RFC3: variants seen among roughly 807,000 people sequenced by gnomAD.
The protein encoded by RFC3 is A1 38 kDa subunit.
RFC3 carries 41 observed loss-of-function variants against 45.1 expected under a neutral mutation model. The ratio of observed to expected loss-of-function variants is 0.91; its 90% CI spans 0.71 to 1.18. The LOEUF is 1.18. Among genes scored for constraint, RFC3 ranks in the 50% most tolerant of loss-of-function variants. The probability of loss-of-function intolerance (pLI) is 0.00; values close to 1 mark genes in which losing one functional copy is unlikely to be tolerated. For synonymous variants in RFC3, 149 were observed against 144.0 expected (o/e 1.03, Z -0.25); for missense variants, 423 against 428.1 (o/e 0.99, Z 0.10).
At chr13:33,968,992 C>A (rs917370952), downstream of RFC3, among the ~76,000 whole-genome samples, 7 of 152,138 alleles carry the variant, frequency 4.6e-5, no homozygotes, top group Non-Finnish European at 7.4e-5. Context: ...CACAGTTCAC[C>A]CACCGTACAA....
chr13:33,928,448 C>T (rs774937790), intron 8 of RFC3, among the ~76,000 whole-genome samples: 5 of 152,052 alleles, frequency 3.3e-5, no homozygotes, highest in Admixed American at 1.3e-4. Flanking sequence ...AAGTCAGAGG[C>T]TTAGAGAGAG....
intron 1 of RFC3, among the ~76,000 whole-genome samples, 185 bp downstream of exon 1, chr13:33,818,450 C>G (rs3135535): frequency 1.3e-5 from 2 of 152,226 alleles, no homozygotes; most frequent in South Asian, 2.1e-4. Context: ...AAGAAAAGCT[C>G]CACTGAGAAG....
chr13:33,872,458 G>A (rs907642270), intron 8 of RFC3, among the ~76,000 whole-genome samples: 1 of 152,228 alleles, frequency 6.6e-6, no homozygotes, highest in South Asian at 2.1e-4. Flanking sequence ...AAACGGCCAG[G>A]TGCGGTGGCT....
intron 8 of RFC3, among the ~76,000 whole-genome samples, chr13:33,918,001 T>C (rs952836458): frequency 5.3e-5 from 8 of 152,142 alleles, no homozygotes; most frequent in Non-Finnish European, 1.2e-4. Context: ...GTTAAGTATG[T>C]AACATATGCC....
At chr13:33,942,756 AT>A (rs900589072) in intron 8 of RFC3, among the ~76,000 whole-genome samples, 81 of 149,808 alleles carry the variant, frequency 5.4e-4, no homozygotes, top group African/African-American at 1.3e-3. Flanking sequence ...TTAACATCTT[AT>A]TTTTTTTTTA....
At chr13:33,876,167 A>G (rs1267408902) in intron 8 of RFC3, among the ~76,000 whole-genome samples, 1 of 152,148 alleles carries the variant, frequency 6.6e-6, no homozygotes, top group African/African-American at 2.4e-5. Context: ...GAGTAAAGGA[A>G]GTTTTGATCA....
chr13:33,852,189 C>A (rs1408310630), intron 8 of RFC3, among the ~76,000 whole-genome samples: 1 of 152,150 alleles, frequency 6.6e-6, no homozygotes, highest in East Asian at 1.9e-4. Flanking sequence ...ATCTTTCTTT[C>A]CTGGAAGTAA....
intron 8 of RFC3, among the ~76,000 whole-genome samples, chr13:33,892,811 C>T (rs1222866293): frequency 6.6e-6 from 1 of 152,032 alleles, no homozygotes; most frequent in Non-Finnish European, 1.5e-5. Context: ...GGAGACAGTC[C>T]CTGGGGCCAC....
chr13:33,947,113 A>T (rs957486582), intron 8 of RFC3, among the ~76,000 whole-genome samples: 6 of 152,188 alleles, frequency 3.9e-5, no homozygotes, highest in Non-Finnish European at 8.8e-5. Context: ...ACATGTTGAT[A>T]TGGTTTGGCT....
rs1302839326 is a variant in RFC3 at position 33,834,298 on chromosome 13, G to GTGTGTATATATA, written c.810-849_810-848insGTGTATATATAT. Among the ~76,000 whole-genome samples, 672 of 109,052 alleles carry GTGTGTATATATA rather than the reference G, an allele frequency of 6.2e-3. 19 individuals carry two copies. The highest frequency in any genetic ancestry group is 0.034 in the Admixed American group (332 of 9,668). The allele number at this position is 109,052 out of a possible 152,430, so 71.5% of individuals were successfully genotyped here. A position where few individuals can be genotyped will look rare whatever the true frequency, so the allele number is the denominator to read the frequency against. ...GAAGTATGGAACATCTGTACTGTGT[G>GTGTGTATATATA]TATATATATATATATATATATATAT... is the stretch of plus-strand genomic sequence containing the variant. On this transcript the variant is annotated intron_variant, in intron 7 of 8. Coordinates refer to ENST00000380071, the MANE Select transcript of RFC3 (RefSeq NM_002915.4).
At chr13:33,884,645 G>A (rs1203706585) in intron 8 of RFC3, among the ~76,000 whole-genome samples, 2 of 152,164 alleles carry the variant, frequency 1.3e-5, no homozygotes, top group African/African-American at 4.8e-5. Context: ...TCACCATGGC[G>A]ACAGCGGCCA....
At chr13:33,856,698 G>A (rs1211236315) in intron 8 of RFC3, among the ~76,000 whole-genome samples, 1 of 152,096 alleles carries the variant, frequency 6.6e-6, no homozygotes, top group Non-Finnish European at 1.5e-5. Flanking sequence ...TGGTAGCTCT[G>A]GTTCTGGAAA....
chr13:33,875,626 T>G (rs1355586027), intron 8 of RFC3, among the ~76,000 whole-genome samples: 1 of 152,170 alleles, frequency 6.6e-6, no homozygotes, highest in Non-Finnish European at 1.5e-5. Flanking sequence ...CTCACTTGCC[T>G]ACTTGAAAGG....
At chr13:33,951,130 C>G (rs1226933556) in intron 8 of RFC3, among the ~76,000 whole-genome samples, 1 of 121,880 alleles carries the variant, frequency 8.2e-6, no homozygotes, top group Non-Finnish European at 1.6e-5. Flanking sequence ...GTTTTCTTTT[C>G]TAATGGGTTT....
At chr13:33,853,334 A>T (rs2082288486) in intron 8 of RFC3, among the ~76,000 whole-genome samples, 1 of 152,092 alleles carries the variant, frequency 6.6e-6, no homozygotes, top group Non-Finnish European at 1.5e-5. Context: ...GACTTTATTA[A>T]TTAGGAAATA....
intron 8 of RFC3, among the ~76,000 whole-genome samples, chr13:33,857,813 C>A (rs2082317336): frequency 6.6e-6 from 1 of 152,046 alleles, no homozygotes; most frequent in African/African-American, 2.4e-5. Flanking sequence ...GCATTAGATG[C>A]TGACTTTATT....
chr13:33,856,339 G>A (rs569479035), intron 8 of RFC3, among the ~76,000 whole-genome samples: 141 of 152,248 alleles, frequency 9.3e-4, no homozygotes, highest in African/African-American at 3.1e-3. Flanking sequence ...CCACCAGAAG[G>A]TGGAGGGTGG....
At chr13:33,821,092 C>A in intron 1 of RFC3, 40 bp from the exon 2 acceptor site, 1 of 1,608,986 alleles carries the variant, frequency 6.2e-7, no homozygotes, top group South Asian at 1.1e-5. Flanking sequence ...TAGAGCAGTT[C>A]AGTTTGACTA....
chr13:33,949,355 A>G (rs1014907657), intron 8 of RFC3, among the ~76,000 whole-genome samples: 14 of 152,186 alleles, frequency 9.2e-5, no homozygotes, highest in African/African-American at 2.9e-4. Context: ...TCTTTTCTTT[A>G]TAAATTACCC....
Sources: allele counts gnomAD v4.1 joint callset (sites outside exome capture counted in the v4.1 genomes callset), GRCh38; gene constraint gnomAD v4.1.1; transcripts MANE v1.5; gene names NCBI Gene and HGNC (gene_info 2026-07-23, HGNC 2026-07-21).